Variants in PDE3A observed in about 807,000 individuals in gnomAD.
The protein encoded by PDE3A is phosphodiesterase 3A, also known as cGMP-inhibited 3',5'-cyclic phosphodiesterase 3A.
In PDE3A, 43 loss-of-function variants were observed where a neutral mutation model predicts 98.3. The ratio of observed to expected loss-of-function variants is 0.44; its 90% CI spans 0.34 to 0.56. PDE3A has a LOEUF of 0.56. PDE3A is among the 20% of genes least tolerant of loss of function. PDE3A has a pLI of 0.01. For missense variants in PDE3A, 1,427 were observed against 1,440.7 expected, an observed-to-expected ratio of 0.99 and a Z score of 0.15; for synonymous variants, 663 against 567.9, an observed-to-expected ratio of 1.17 and a Z score of -2.38.
At chr12:20,591,833 G>A (rs1267933276) in intron 2 of PDE3A, among the ~76,000 whole-genome samples, 1 of 152,172 alleles carries the variant, frequency 6.6e-6, no homozygotes, top group Non-Finnish European at 1.5e-5. Flanking sequence ...CAAACAGATT[G>A]TAATAATCGT....
intron 1 of PDE3A, among the ~76,000 whole-genome samples, chr12:20,486,851 C>T (rs886389351): frequency 6.6e-6 from 1 of 152,206 alleles, no homozygotes; most frequent in Admixed American, 6.5e-5. Flanking sequence ...CCAGGCTGGT[C>T]TCCAGCTTCT....
intron 1 of PDE3A, among the ~76,000 whole-genome samples, chr12:20,413,207 T>C (rs1016449638): frequency 2.6e-5 from 4 of 152,224 alleles, no homozygotes; most frequent in African/African-American, 9.7e-5. Context: ...GAGAAAGTGT[T>C]CTTTAAACAA....
chr12:20,468,702 T>G (rs1945385789), intron 1 of PDE3A, among the ~76,000 whole-genome samples: 1 of 152,290 alleles, frequency 6.6e-6, no homozygotes, highest in South Asian at 2.1e-4. Context: ...TTAACCTAAC[T>G]TCTGTTGAGA....
At chr12:20,486,823 G>A (rs1945735028) in intron 1 of PDE3A, among the ~76,000 whole-genome samples, 2 of 152,126 alleles carry the variant, frequency 1.3e-5, no homozygotes, top group Admixed American at 1.3e-4. Flanking sequence ...TAGTAGAGAT[G>A]GGGTTTCACC....
chr12:20,544,030 G>A (rs1256459382), intron 1 of PDE3A, among the ~76,000 whole-genome samples: 1 of 151,764 alleles, frequency 6.6e-6, no homozygotes, highest in African/African-American at 2.4e-5. Flanking sequence ...CTGGACTCTA[G>A]AGCTAACATG....
chr12:20,659,097 G>A (rs1489158084), intron 15 of PDE3A, among the ~76,000 whole-genome samples: 5 of 152,078 alleles, frequency 3.3e-5, no homozygotes, highest in Non-Finnish European at 7.4e-5. Flanking sequence ...TGTTTCCAAA[G>A]TATCCTGGAA....
intron 1 of PDE3A, chr12:20,553,049 G>C: frequency 7.8e-7 from 1 of 1,274,232 alleles, no homozygotes. Context: ...TGCTGAAAAC[G>C]TGTCGGAGGG....
chr12:20,612,096 A>C (rs1481301047), intron 2 of PDE3A, among the ~76,000 whole-genome samples: 1 of 151,938 alleles, frequency 6.6e-6, no homozygotes, highest in African/African-American at 2.4e-5. Context: ...GTTTCCTGCC[A>C]AACATTTTGG....
intron 1 of PDE3A, among the ~76,000 whole-genome samples, chr12:20,548,985 A>G (rs1942129547): frequency 6.6e-6 from 1 of 151,948 alleles, no homozygotes. Context: ...ATTTGTTGTA[A>G]TCACACATCA....
At chr12:20,371,228 A>G (rs1943467976) in intron 1 of PDE3A, 1 of 232,086 alleles carries the variant, frequency 4.3e-6, no homozygotes, top group Non-Finnish European at 7.1e-6. Flanking sequence ...CAGTTGCTAT[A>G]AAGGGCATAA....
At chr12:20,542,090 T>C (rs980348055) in intron 1 of PDE3A, among the ~76,000 whole-genome samples, 2 of 152,046 alleles carry the variant, frequency 1.3e-5, no homozygotes, top group Non-Finnish European at 2.9e-5. Context: ...GTCTAGCTGA[T>C]TGGGGAGTAA....
At chr12:20,667,165 T>C (rs2120382119) in intron 15 of PDE3A, among the ~76,000 whole-genome samples, 1 of 152,320 alleles carries the variant, frequency 6.6e-6, no homozygotes, top group East Asian at 1.9e-4. Context: ...TTCTTGTATA[T>C]TCTGGATATT....
intron 1 of PDE3A, among the ~76,000 whole-genome samples, chr12:20,404,642 C>A (rs1944196697): frequency 6.6e-6 from 1 of 152,072 alleles, no homozygotes; most frequent in South Asian, 2.1e-4. Flanking sequence ...ACAGATCTGG[C>A]TTTATCTAAG....
rs1945864430 is a variant in PDE3A at position 20,493,541 on chromosome 12, A to G, written c.961-63119A>G. Among the ~76,000 whole-genome samples, 3 of 152,166 alleles carry G rather than the reference A, an allele frequency of 2.0e-5. No individual in the cohort carries two copies. The South Asian group carries it at 6.2e-4, about 31-fold the overall frequency. On this transcript the variant is annotated intron_variant, in intron 1 of 15. Coordinates refer to ENST00000359062, the MANE Select transcript of PDE3A (RefSeq NM_000921.5). ...TCCCCTGAGATACCAAGGGTTGACT[A>G]TATGTACATATACAGACACACAAAC...
intron 14 of PDE3A, among the ~76,000 whole-genome samples, chr12:20,651,775 T>A (rs1044457130): frequency 4.8e-5 from 7 of 147,334 alleles, no homozygotes; most frequent in Non-Finnish European, 1.1e-4. Flanking sequence ...AGATTTTTTT[T>A]ATTTTATTAT....
chr12:20,524,682 G>T (rs954479154), intron 1 of PDE3A, among the ~76,000 whole-genome samples: 2 of 151,608 alleles, frequency 1.3e-5, no homozygotes, highest in Non-Finnish European at 2.9e-5. Flanking sequence ...TTTACTATAA[G>T]AATAATAATA....
At chr12:20,465,596 A>T (rs1945328616) in intron 1 of PDE3A, among the ~76,000 whole-genome samples, 1 of 151,888 alleles carries the variant, frequency 6.6e-6, no homozygotes, top group Non-Finnish European at 1.5e-5. Flanking sequence ...TGTTTAGTAG[A>T]GATGGGGTTT....
chr12:20,586,269 G>A (rs1208152403), intron 2 of PDE3A, among the ~76,000 whole-genome samples: 1 of 152,114 alleles, frequency 6.6e-6, no homozygotes, highest in South Asian at 2.1e-4. Context: ...AGAGGGTCTG[G>A]GTTTAGATAT....
intron 1 of PDE3A, among the ~76,000 whole-genome samples, chr12:20,391,616 T>C (rs758348104): frequency 3.3e-5 from 5 of 151,618 alleles, no homozygotes; most frequent in Non-Finnish European, 7.4e-5. Context: ...ATGTGTTACT[T>C]TTCCTGAAAA....
Sources: allele counts gnomAD v4.1 joint callset (sites outside exome capture counted in the v4.1 genomes callset), GRCh38; gene constraint gnomAD v4.1.1; transcripts MANE v1.5; gene names NCBI Gene and HGNC (gene_info 2026-07-23, HGNC 2026-07-21).